The following MTAP variants were observed in gnomAD, a reference collection of about 807,000 sequenced individuals.
MTAP encodes S-methyl-5'-thioadenosine phosphorylase.
MTAP carries 33 observed loss-of-function variants against 33.6 expected under a neutral mutation model. The ratio of observed to expected loss-of-function variants is 0.98; its 90% CI spans 0.74 to 1.31. The LOEUF is 1.31. Ranked by LOEUF, MTAP falls within the 40% of genes most tolerant of loss-of-function variation. MTAP has a pLI of 0.00. For synonymous variants in MTAP, 148 were observed against 125.7 expected, an observed-to-expected ratio of 1.18 and a Z score of -1.19; for missense variants, 367 against 360.0, an observed-to-expected ratio of 1.02 and a Z score of -0.16.
rs980852877 is a variant in MTAP, at chr9:21,863,335, C to T, written c.*1321C>T. 7 of 981,618 alleles carry T rather than the reference C, an allele frequency of 7.1e-6. No homozygotes were observed. The highest frequency in any genetic ancestry group is 1.2e-4 in the Admixed American group (2 of 16,254). 60.8% of individuals were successfully genotyped at this position (981,618 alleles called of 1,614,324 possible). On this transcript the variant is annotated 3_prime_UTR_variant, in exon 8 of 8. Transcript: ENST00000644715. ...AGAAATGCTTTTTGTTGGCCGGGCA[C>T]AGTTGCTCATCCATGTAATCCCAGC... is the stretch of plus-strand genomic sequence containing the variant.
intron 1 of MTAP, among the ~76,000 whole-genome samples, chr9:21,927,023 A>G (rs1046801076): frequency 2.6e-5 from 4 of 152,194 alleles, no homozygotes; most frequent in African/African-American, 9.6e-5. Context: ...ATCAGGTTCT[A>G]AAAGAAGGGA....
intron 2 of MTAP, 130 bp from the exon 3 acceptor site, chr9:21,816,584 T>C: frequency 1.4e-6 from 1 of 707,194 alleles, no homozygotes; most frequent in Non-Finnish European, 2.4e-6. Flanking sequence ...GATAATCAGA[T>C]CTTGCCTCTT....
At chr9:21,938,379 C>T (rs1159383617), downstream of MTAP, among the ~76,000 whole-genome samples, 1 of 150,498 alleles carries the variant, frequency 6.6e-6, no homozygotes, top group Non-Finnish European at 1.5e-5. Flanking sequence ...GTTCAGGCTG[C>T]AGTGAGCCAT....
downstream of MTAP, among the ~76,000 whole-genome samples, chr9:21,938,273 C>CAAAA (rs373456978): frequency 8.8e-6 from 1 of 113,018 alleles, no homozygotes. Flanking sequence ...GAGTCCTTCT[C>CAAAA]AAAAAAAAAA....
downstream of MTAP, among the ~76,000 whole-genome samples, chr9:21,868,345 T>C (rs576255173): frequency 6.6e-6 from 1 of 152,208 alleles, no homozygotes; most frequent in Non-Finnish European, 1.5e-5. Context: ...GGAGGATGAC[T>C]ATCTAAAAAG....
intron 4 of MTAP, among the ~76,000 whole-genome samples, chr9:21,821,707 C>T (rs1026970225): frequency 1.3e-5 from 2 of 152,148 alleles, no homozygotes; most frequent in Non-Finnish European, 2.9e-5. Flanking sequence ...ATGGTACCAG[C>T]TCCTCCTTGT....
intron 1 of MTAP, chr9:21,892,900 A>G (rs767281771): frequency 6.6e-6 from 1 of 152,240 alleles, no homozygotes; most frequent in Non-Finnish European, 1.5e-5. Context: ...AACAAATTCA[A>G]AAATAAAATC....
intron 1 of MTAP, among the ~76,000 whole-genome samples, chr9:21,883,709 T>C (rs1193118056): frequency 6.6e-6 from 1 of 150,644 alleles, no homozygotes; most frequent in Non-Finnish European, 1.5e-5. Context: ...TCTGCTGATG[T>C]AGCCAGACCA....
At chr9:21,811,761 A>G (rs1824356009) in intron 1 of MTAP, 2 of 530,284 alleles carry the variant, frequency 3.8e-6, no homozygotes, top group South Asian at 2.8e-5. Context: ...TCGCCCGTGT[A>G]CCAGTACAGG....
chr9:21,922,600 T>A lies in MTAP; in HGVS notation c.148-8408T>A, dbSNP rs972558261. On this transcript the variant is annotated intron_variant, in intron 1 of 1. Coordinates refer to the MTAP transcript ENST00000577563. This position sits in a 1 kb window ranked among gnomAD's most constrained non-coding sequence, Gnocchi z 4.8. Reference sequence around the variant, plus strand: ...ATTCACTGCTGCTAACATACTTTGATGCCACATGGCTTGGATACGTTCCCC... The same window carrying A: ...ATTCACTGCTGCTAACATACTTTGAAGCCACATGGCTTGGATACGTTCCCC... 3.3e-5 allele frequency among the ~76,000 whole-genome samples: 5 copies of A among 152,218 alleles called. No homozygotes were observed. The highest frequency in any genetic ancestry group is 1.9e-4 in the East Asian group (1 of 5,190).
intron 1 of MTAP, among the ~76,000 whole-genome samples, chr9:21,804,738 C>G (rs1240625930): frequency 6.6e-6 from 1 of 152,208 alleles, no homozygotes; most frequent in Non-Finnish European, 1.5e-5. Flanking sequence ...AGTGTTCCTT[C>G]AAGACCATCC....
intron 1 of MTAP, among the ~76,000 whole-genome samples, chr9:21,920,366 G>A (rs905543590): frequency 6.6e-6 from 1 of 152,160 alleles, no homozygotes; most frequent in Non-Finnish European, 1.5e-5. Context: ...ATTTTCCTTG[G>A]CCACTGCGTG....
chr9:21,869,245 C>G (rs1188527518), downstream of MTAP, among the ~76,000 whole-genome samples: 1 of 151,988 alleles, frequency 6.6e-6, no homozygotes, highest in East Asian at 1.9e-4. Context: ...TTCCTTAGTC[C>G]TCTTCATTTC....
chr9:21,926,084 G>A (rs1818864990), intron 1 of MTAP, among the ~76,000 whole-genome samples: 1 of 152,130 alleles, frequency 6.6e-6, no homozygotes, highest in Non-Finnish European at 1.5e-5. Context: ...TATGCCTCAA[G>A]GAAGTCACAC....
chr9:21,844,320 A>G (rs907175192), intron 5 of MTAP, among the ~76,000 whole-genome samples: 1 of 152,188 alleles, frequency 6.6e-6, no homozygotes, highest in African/African-American at 2.4e-5. Context: ...ACTGGTACCA[A>G]TCTTACTGAA....
chr9:21,907,274 C>T (rs775192244), intron 1 of MTAP, among the ~76,000 whole-genome samples: 5 of 152,214 alleles, frequency 3.3e-5, no homozygotes, highest in Non-Finnish European at 4.4e-5. Context: ...AGGCTAGGCG[C>T]GATGGCTTTT....
At chr9:21,820,222 C>T (rs925015867) in intron 4 of MTAP, among the ~76,000 whole-genome samples, 2 of 152,154 alleles carry the variant, frequency 1.3e-5, no homozygotes, top group Non-Finnish European at 2.9e-5. Flanking sequence ...TTCCCCATGC[C>T]TATGTCCTGA....
At chr9:21,829,887 A>G (rs955972388) in intron 4 of MTAP, among the ~76,000 whole-genome samples, 1 of 152,216 alleles carries the variant, frequency 6.6e-6, no homozygotes, top group Non-Finnish European at 1.5e-5. Flanking sequence ...ACAATGCTGG[A>G]AGCTCTTTTA....
downstream of MTAP, among the ~76,000 whole-genome samples, chr9:21,940,562 C>T (rs1382198693): frequency 2.0e-5 from 3 of 152,130 alleles, no homozygotes; most frequent in Admixed American, 6.5e-5. Flanking sequence ...TGACTTCTAC[C>T]GAGCTGACTA....
Sources: gnomAD v4.1 joint callset for allele counts (sites outside exome capture counted in the v4.1 genomes callset) on GRCh38, gnomAD v4.1.1 for gene constraint, Gnocchi (gnomAD v3.1) non-coding constraint, MANE v1.5 for transcripts, NCBI Gene and HGNC (gene_info 2026-07-23, HGNC 2026-07-21) for gene names.